The following SHISA6 variants were observed in gnomAD, a reference collection of about 807,000 sequenced individuals.
SHISA6 encodes the protein protein shisa-6.
In SHISA6, 22 loss-of-function variants were observed where a neutral mutation model predicts 47.9. The observed-to-expected ratio is 0.46, with a 90% confidence interval of 0.33 to 0.66. The LOEUF (loss-of-function observed/expected upper bound fraction) is 0.66. Ranked by LOEUF, SHISA6 falls within the 30% of genes least tolerant of loss-of-function variation. The pLI, the probability that SHISA6 is intolerant of heterozygous loss-of-function variation, is 0.02. For synonymous variants in SHISA6, 388 were observed against 337.8 expected, an observed-to-expected ratio of 1.15 and a Z score of -1.63; for missense variants, 680 against 764.6, an observed-to-expected ratio of 0.89 and a Z score of 1.30.
At chr17:11,244,711 C>T (rs1907507549) in intron 1 of SHISA6, among the ~76,000 whole-genome samples, 1 of 152,176 alleles carries the variant, frequency 6.6e-6, no homozygotes, top group Non-Finnish European at 1.5e-5. Flanking sequence ...AATGTACACT[C>T]TCGAGAGGTC....
intron 2 of SHISA6, among the ~76,000 whole-genome samples, chr17:11,350,182 A>ATTTTTTTTTTTTTTTTTTTTT (rs778331945): frequency 8.6e-6 from 1 of 116,240 alleles, no homozygotes; most frequent in African/African-American, 3.3e-5. Context: ...TTATTTATTT[A>ATTTTTTTTTTTTTTTTTTTTT]TTTTTTTTTT....
In SHISA6 at chr17:11,563,500, T is replaced by C. The variant is rs2142398578; in HGVS notation, c.*5196T>C. 6.6e-6 allele frequency: 1 copy of C among 152,318 alleles called. No individual in the cohort carries two copies. 9.4% of individuals were successfully genotyped at this position (152,318 alleles called of 1,614,324 possible). A position where few individuals can be genotyped will look rare whatever the true frequency, so the allele number is the denominator to read the frequency against. On this transcript the variant is annotated 3_prime_UTR_variant, in exon 6 of 6. Transcript: ENST00000441885. The stretch of plus-strand genomic sequence containing the variant: ...CCTTCCATCAGTCAGAGAAATAATG[T>C]TGTGGCTGTGTGTTTCCTTAATGCT...
intron 2 of SHISA6, among the ~76,000 whole-genome samples, chr17:11,274,049 G>A (rs968911167): frequency 1.3e-5 from 2 of 152,212 alleles, no homozygotes; most frequent in African/African-American, 4.8e-5. Context: ...AGAAGCCAGA[G>A]GAGCTGCCCT....
At chr17:11,482,743 T>G (rs1367461955) in intron 3 of SHISA6, among the ~76,000 whole-genome samples, 1 of 152,114 alleles carries the variant, frequency 6.6e-6, no homozygotes, top group African/African-American at 2.4e-5. Flanking sequence ...GGGCCAAAAC[T>G]TTGACAGCAG....
At chr17:11,367,362 A>C (rs2142234748) in intron 2 of SHISA6, among the ~76,000 whole-genome samples, 1 of 152,302 alleles carries the variant, frequency 6.6e-6, no homozygotes, top group South Asian at 2.1e-4. Context: ...AGGACAGAGA[A>C]AGGGGATGGC....
chr17:11,415,934 G>A (rs915134164), intron 3 of SHISA6, among the ~76,000 whole-genome samples: 3 of 152,188 alleles, frequency 2.0e-5, no homozygotes, highest in South Asian at 2.1e-4. Context: ...GCCCAGGATC[G>A]AGGTGATAGA....
intron 3 of SHISA6, among the ~76,000 whole-genome samples, chr17:11,497,389 T>C (rs1237441201): frequency 6.6e-6 from 1 of 152,080 alleles, no homozygotes; most frequent in African/African-American, 2.4e-5. Flanking sequence ...AGAGGGGCTG[T>C]GGCAGGATCC....
intron 1 of SHISA6, among the ~76,000 whole-genome samples, chr17:11,260,308 T>C (rs1300699982): frequency 1.3e-5 from 2 of 152,114 alleles, no homozygotes; most frequent in East Asian, 1.9e-4. Flanking sequence ...ATATCAGATA[T>C]TGCAGCAAAA....
At chr17:11,430,022 G>C (rs1242430937) in intron 3 of SHISA6, among the ~76,000 whole-genome samples, 2 of 152,124 alleles carry the variant, frequency 1.3e-5, no homozygotes, top group East Asian at 3.8e-4. Flanking sequence ...ATTTTCTGTG[G>C]TAAATACTAG....
intron 2 of SHISA6, among the ~76,000 whole-genome samples, chr17:11,342,420 G>T (rs1911564999): frequency 6.6e-6 from 1 of 152,016 alleles, no homozygotes; most frequent in Non-Finnish European, 1.5e-5. Flanking sequence ...TGGGACGGTG[G>T]AGATATGGAG....
intron 2 of SHISA6, among the ~76,000 whole-genome samples, chr17:11,375,052 T>C (rs1912752726): frequency 6.6e-6 from 1 of 152,148 alleles, no homozygotes; most frequent in Non-Finnish European, 1.5e-5. Flanking sequence ...AGGTTTTGTG[T>C]TTTATGATGT....
intron 2 of SHISA6, among the ~76,000 whole-genome samples, chr17:11,336,580 C>T (rs377692607): frequency 3.9e-5 from 6 of 152,300 alleles, no homozygotes; most frequent in East Asian, 3.9e-4. Context: ...CAACGTCACA[C>T]GCCTGGGGCT....
chr17:11,507,064 C>A (rs1322382235), intron 3 of SHISA6, among the ~76,000 whole-genome samples: 2 of 152,194 alleles, frequency 1.3e-5, no homozygotes, highest in Non-Finnish European at 2.9e-5. Flanking sequence ...ACTGCATCTT[C>A]AGAAAGTTAC....
At chr17:11,300,164 AAG>A (rs1909876506) in intron 2 of SHISA6, among the ~76,000 whole-genome samples, 1 of 151,192 alleles carries the variant, frequency 6.6e-6, no homozygotes, top group Non-Finnish European at 1.5e-5. Flanking sequence ...AAAAAAAAAA[AAG>A]AAAAACAAGA....
chr17:11,495,575 GTTT>G (rs2071401387), intron 3 of SHISA6, among the ~76,000 whole-genome samples: 1 of 152,146 alleles, frequency 6.6e-6, no homozygotes, highest in South Asian at 2.1e-4. Context: ...TGTGTCCAGG[GTTT>G]CTTTCAAGGT....
intron 3 of SHISA6, among the ~76,000 whole-genome samples, chr17:11,533,817 C>T (rs2071760103): frequency 6.6e-6 from 1 of 151,824 alleles, no homozygotes; most frequent in Non-Finnish European, 1.5e-5. Flanking sequence ...TGATCTCGAT[C>T]TACTGACCTC....
rs1489667501 is a variant in SHISA6 at position 11,557,892 on chromosome 17, G to A, written c.1244G>A (p.Arg415Gln). 34 of 1,551,540 alleles carry A rather than the reference G, an allele frequency of 2.2e-5. No individual in the cohort carries two copies. Among genetic ancestry groups the A allele is most frequent in the Middle Eastern group, 1.7e-4 (1 of 5,992 alleles). The change falls in exon 6 of 6, where the codon CGG becomes CAG. Residue 415 changes from arginine (R) to glutamine (Q), a missense_variant. Arg to Gln is a conservative substitution (Grantham distance 43). Coordinates refer to ENST00000441885, the MANE Select transcript of SHISA6 (RefSeq NM_207386.4). ...LPRERPRRPI[R>Q]AMSQDRVLSP... is the part of the protein sequence containing the mutation. Reference sequence around the variant, plus strand: ...AGGGAACGACCCCGCCGGCCCATCCGGGCCATGTCCCAGGACAGGGTCCTG... The same window carrying A: ...AGGGAACGACCCCGCCGGCCCATCCAGGCCATGTCCCAGGACAGGGTCCTG...
chr17:11,368,206 C>T (rs541933878), intron 2 of SHISA6, among the ~76,000 whole-genome samples: 1 of 152,246 alleles, frequency 6.6e-6, no homozygotes, highest in South Asian at 2.1e-4. Flanking sequence ...TGAAATTTCC[C>T]AGCATGTCAG....
chr17:11,357,632 A>G (rs918742426), intron 2 of SHISA6, among the ~76,000 whole-genome samples: 1 of 152,240 alleles, frequency 6.6e-6, no homozygotes, highest in South Asian at 2.1e-4. Context: ...TCTTCAAAAG[A>G]TAGCATCAAG....
Sources: gnomAD v4.1 joint callset for allele counts (sites outside exome capture counted in the v4.1 genomes callset) on GRCh38, gnomAD v4.1.1 for gene constraint, MANE v1.5 for transcripts, NCBI Gene and HGNC (gene_info 2026-07-23, HGNC 2026-07-21) for gene names.